The following TRPC5 variants were observed in gnomAD, a reference collection of about 807,000 sequenced individuals.
TRPC5 encodes short transient receptor potential channel 5.
Under a neutral mutation model 56.5 loss-of-function variants are expected in TRPC5, and 9 were observed. That is an observed-to-expected ratio of 0.16 (90% CI 0.10 to 0.28). TRPC5 has a LOEUF of 0.28. TRPC5 is among the 10% of genes least tolerant of loss of function. The pLI, the probability that TRPC5 is intolerant of heterozygous loss-of-function variation, is 1.00. For synonymous variants in TRPC5, 282 were observed against 278.5 expected, an observed-to-expected ratio of 1.01 and a Z score of -0.13; for missense variants, 469 against 748.9, an observed-to-expected ratio of 0.63 and a Z score of 4.36.
At chrX:112,015,505 C>T (rs1227062132) in intron 1 of TRPC5, among the ~76,000 whole-genome samples, 2 of 111,394 alleles carry the variant, frequency 1.8e-5, no homozygotes, top group African/African-American at 3.3e-5. Flanking sequence ...AGGTGTGGGC[C>T]ACCATGTTTG....
intron 1 of TRPC5, among the ~76,000 whole-genome samples, chrX:111,955,254 T>A (rs988283993): frequency 8.9e-6 from 1 of 112,201 alleles, no homozygotes; most frequent in African/African-American, 3.2e-5. Context: ...AAAATAAATC[T>A]ACAAAGGTTT....
chrX:112,029,716 C>T (rs6655168), intron 1 of TRPC5, among the ~76,000 whole-genome samples: 23,721 of 110,768 alleles, frequency 0.21, 2,747 homozygotes, highest in African/African-American at 0.44. Flanking sequence ...TCTCAACTTT[C>T]AAATTGAGAC....
intron 7 of TRPC5, among the ~76,000 whole-genome samples, chrX:111,800,266 C>T (rs1370969991): frequency 9.0e-6 from 1 of 111,645 alleles, no homozygotes; most frequent in East Asian, 2.8e-4. Flanking sequence ...TGATGATTCA[C>T]TTCCACTTAA....
intron 1 of TRPC5, among the ~76,000 whole-genome samples, chrX:112,025,723 A>G (rs915368530): frequency 8.1e-5 from 9 of 111,733 alleles, no homozygotes; most frequent in African/African-American, 2.9e-4. Flanking sequence ...ATCCCTCTTC[A>G]TGTGTGTTTT....
intron 1 of TRPC5, among the ~76,000 whole-genome samples, chrX:112,016,812 T>C (rs1172334873): frequency 9.0e-6 from 1 of 111,467 alleles, no homozygotes; most frequent in Non-Finnish European, 1.9e-5. Context: ...ACCTCCTATT[T>C]GCTGCATTAC....
intron 1 of TRPC5, among the ~76,000 whole-genome samples, chrX:112,071,450 T>C (rs1411315051): frequency 1.8e-5 from 2 of 112,115 alleles, no homozygotes; most frequent in Non-Finnish European, 3.8e-5. Flanking sequence ...TAGTCAGTGG[T>C]AGAGTTGGGA....
chrX:111,932,004 C>T (rs1365007789), intron 2 of TRPC5, among the ~76,000 whole-genome samples: 1 of 111,665 alleles, frequency 9.0e-6, no homozygotes, highest in Non-Finnish European at 1.9e-5. Context: ...GTATATCTAG[C>T]TGAAAGTTAC....
At chrX:111,857,212 A>G (rs1397009335) in intron 3 of TRPC5, among the ~76,000 whole-genome samples, 1 of 112,155 alleles carries the variant, frequency 8.9e-6, no homozygotes, top group East Asian at 2.8e-4. Flanking sequence ...GGGCAGTCAA[A>G]ACTAGAGGCA....
At position 111,952,309 on chromosome X, in the gene TRPC5, T is replaced by C. The variant is rs1927112015; in HGVS notation, c.112A>G (p.Asn38Asp). 5.0e-6 allele frequency: 6 copies of C among 1,210,331 alleles called. No homozygotes were observed. The African/African-American group carries it at 5.2e-5, about 11-fold the overall frequency. ...ELSAEEKAFL[N>D]AVEKGDYATV... ...GCATAGTCCCCCTTCTCCACAGCAT[T>C]GAGGAAGGCCTTCTCCTCTGCAGAG... The change falls in exon 2 of 11, where the codon AAT (asparagine) becomes GAT (aspartate). Residue 38 changes from asparagine to aspartate, a missense_variant. Physicochemically the swap from Asn to Asp is conservative, Grantham distance 23 (BLOSUM62 1). Around this residue, in one of 3 missense-constraint regions of TRPC5, gnomAD observed 118 missense variants for 167.1 expected, o/e 0.71. Transcript: ENST00000262839.
intron 2 of TRPC5, among the ~76,000 whole-genome samples, chrX:111,924,400 A>G (rs1926202933): frequency 9.1e-6 from 1 of 110,136 alleles, no homozygotes; most frequent in African/African-American, 3.3e-5. Flanking sequence ...TCACTCACAA[A>G]AGCAGTGTGG....
In TRPC5 at chrX:111,785,784, C is replaced by G. The variant is rs1240060981; in HGVS notation, c.1897-3646G>C. 2.7e-5 allele frequency among the ~76,000 whole-genome samples: 3 copies of G among 111,213 alleles called. No individual in the cohort carries two copies. In the East Asian group the frequency reaches 8.5e-4, roughly 31 times the overall value. The stretch of plus-strand genomic sequence containing the variant: ...GTGACACATGCACAAGCTTCAATAG[C>G]CAATTTGATCAAGTGGAAGAAAGGG... On this transcript the variant is annotated intron_variant, in intron 7 of 10. Transcript: ENST00000262839.
At chrX:111,896,063 C>T (rs761881463) in intron 3 of TRPC5, 9 of 111,252 alleles carry the variant, frequency 8.1e-5, no homozygotes, top group African/African-American at 2.9e-4. Flanking sequence ...GCTTTTCCTA[C>T]CCAGACACCA....
In TRPC5 at chrX:111,910,114, T is replaced by G. The variant is rs189382757; in HGVS notation, c.900+2177A>C. On this transcript the variant is annotated intron_variant, in intron 3 of 10. Transcript: ENST00000262839. Reference sequence around the variant, plus strand: ...GGGGGGCCTAAAATTGTAAAGTTGATCTCATATTCAGTGGGGTGAGGACTG... The same window carrying G: ...GGGGGGCCTAAAATTGTAAAGTTGAGCTCATATTCAGTGGGGTGAGGACTG... 1.1e-3 allele frequency among the ~76,000 whole-genome samples: 119 copies of G among 112,437 alleles called. 1 individual carries two copies. The highest frequency in any genetic ancestry group is 4.6e-3 in the Middle Eastern group (1 of 217).
At chrX:112,005,407 A>G (rs1180648413) in intron 1 of TRPC5, among the ~76,000 whole-genome samples, 2 of 105,913 alleles carry the variant, frequency 1.9e-5, no homozygotes, top group East Asian at 6.0e-4. Context: ...CCCCTGTGAC[A>G]CAAGTTTACC....
At chrX:112,051,506 G>A (rs1930211676) in intron 1 of TRPC5, among the ~76,000 whole-genome samples, 1 of 111,383 alleles carries the variant, frequency 9.0e-6, no homozygotes, top group South Asian at 3.8e-4. Context: ...ATGTTCATCT[G>A]TTCAAAAGTT....
intron 7 of TRPC5, among the ~76,000 whole-genome samples, chrX:111,819,714 T>C (rs929987329): frequency 8.9e-6 from 1 of 111,823 alleles, no homozygotes; most frequent in Non-Finnish European, 1.9e-5. Flanking sequence ...TCTAACTTCC[T>C]ACCTCACTTA....
At chrX:111,813,298 G>T (rs931651772) in intron 7 of TRPC5, among the ~76,000 whole-genome samples, 1 of 112,260 alleles carries the variant, frequency 8.9e-6, no homozygotes, top group African/African-American at 3.2e-5. Flanking sequence ...TGTGTGCCCT[G>T]CATTGCCTTT....
chrX:111,829,550 C>T (rs1208392427), intron 7 of TRPC5, among the ~76,000 whole-genome samples: 7 of 111,884 alleles, frequency 6.3e-5, no homozygotes, highest in Non-Finnish European at 1.3e-4. Context: ...CTGGGCTAGG[C>T]CCAGGGACCA....
intron 7 of TRPC5, among the ~76,000 whole-genome samples, chrX:111,814,762 T>C (rs1921809599): frequency 9.0e-6 from 1 of 110,822 alleles, no homozygotes; most frequent in Admixed American, 9.6e-5. Flanking sequence ...TTCTAGGTGG[T>C]TGGGGTCACT....
Sources: gnomAD v4.1 joint callset for allele counts (sites outside exome capture counted in the v4.1 genomes callset) on GRCh38, gnomAD v4.1.1 for gene constraint, gnomAD v4.1.1 regional missense constraint, MANE v1.5 for transcripts, NCBI Gene and HGNC (gene_info 2026-07-23, HGNC 2026-07-21) for gene names.